SPOCK2: variants seen among roughly 807,000 people sequenced by gnomAD.
The protein encoded by SPOCK2 is testican-2.
Under a neutral mutation model 60.1 loss-of-function variants are expected in SPOCK2, and 39 were observed. The ratio of observed to expected loss-of-function variants is 0.65; its 90% CI spans 0.50 to 0.85. SPOCK2 has a LOEUF of 0.85. SPOCK2 is among the 40% of genes least tolerant of loss of function. The probability of loss-of-function intolerance (pLI) is 0.00; values close to 1 mark genes in which losing one functional copy is unlikely to be tolerated. For synonymous variants in SPOCK2, 217 were observed against 231.5 expected, an observed-to-expected ratio of 0.94 and a Z score of 0.57; for missense variants, 523 against 567.4, an observed-to-expected ratio of 0.92 and a Z score of 0.80.
rs576887222 is a variant in SPOCK2, at chr10:72,062,564, C to A, written c.*196G>T. 1.8e-5 allele frequency: 18 copies of A among 992,082 alleles called. No homozygotes were observed. Among genetic ancestry groups the A allele is most frequent in the Non-Finnish European group, 2.6e-5 (18 of 679,454 alleles). The allele number at this position is 992,082 out of a possible 1,614,324, so 61.5% of individuals were successfully genotyped here. A position where few individuals can be genotyped will look rare whatever the true frequency, so the allele number is the denominator to read the frequency against. ...ACACACACACACACATACACACATG[C>A]ATGCACACATGCACTCACACTGTCA... is the stretch of plus-strand genomic sequence containing the variant. On this transcript the variant is annotated 3_prime_UTR_variant, in exon 11 of 11. Coordinates refer to ENST00000373109, the MANE Select transcript of SPOCK2 (RefSeq NM_001244950.2). The surrounding 1 kb of genome is among the most constrained non-coding windows in gnomAD (Gnocchi z 4.3).
chr10:72,086,980 C>A (rs754446692), intron 1 of SPOCK2: 1 of 1,551,506 alleles, frequency 6.4e-7, no homozygotes. Flanking sequence ...CTGGGTGGGT[C>A]GGACGAGGGA....
At chr10:72,076,667 C>A (rs924391757) in intron 1 of SPOCK2, among the ~76,000 whole-genome samples, 3 of 152,226 alleles carry the variant, frequency 2.0e-5, no homozygotes, top group African/African-American at 7.2e-5. Context: ...AGTCCTCCTG[C>A]CTTAGACTCC....
chr10:72,084,955 T>G (rs1195450671), intron 1 of SPOCK2, among the ~76,000 whole-genome samples: 1 of 152,162 alleles, frequency 6.6e-6, no homozygotes, highest in African/African-American at 2.4e-5. Flanking sequence ...CACTCATAAA[T>G]ATAATGAAAA....
intron 8 of SPOCK2, 138 bp from the exon 9 acceptor site, chr10:72,064,378 A>T: frequency 1.1e-6 from 1 of 929,260 alleles, no homozygotes; most frequent in Non-Finnish European, 1.5e-6. Flanking sequence ...GTCACCCCAC[A>T]GCAGGGGTGG....
chr10:72,083,412 G>A (rs1297576351), intron 1 of SPOCK2, among the ~76,000 whole-genome samples: 1 of 152,254 alleles, frequency 6.6e-6, no homozygotes, highest in Non-Finnish European at 1.5e-5. Context: ...AGGTGAAGTG[G>A]CTGCTGCAAG....
At chr10:72,066,069 G>T (rs934944062) in intron 8 of SPOCK2, among the ~76,000 whole-genome samples, 11 of 152,164 alleles carry the variant, frequency 7.2e-5, no homozygotes, top group Admixed American at 3.3e-4. Flanking sequence ...CAGGTCAGGT[G>T]AGCCTGGGGA....
intron 6 of SPOCK2, 71 bp from the exon 7 acceptor site, chr10:72,067,803 C>CT: frequency 6.4e-7 from 1 of 1,564,582 alleles, no homozygotes. Context: ...AGTCTGGGAT[C>CT]CTGCCCTACA....
At chr10:72,064,785 C>T (rs1840545733) in intron 8 of SPOCK2, among the ~76,000 whole-genome samples, 1 of 152,104 alleles carries the variant, frequency 6.6e-6, no homozygotes, top group African/African-American at 2.4e-5. Flanking sequence ...GGCTGGAGTG[C>T]ATTGGCGCGA....
In SPOCK2 at chr10:72,067,614, G is replaced by C. The variant is rs375998618; in HGVS notation, c.708C>G (p.Ser236Arg). The part of the protein sequence containing the change: ...GSASSVAGPA[S>R]GLDKSLGASC... ...CAGGCAGAGCAGCAAGCTTCCTACC[G>C]CTGGCCGGGCCGGCTACACTGCTGG... Residue 236 changes from serine (S) to arginine (R), a missense_variant and splice_region_variant, in exon 7 of 11, where the codon AGC becomes AGG. Physicochemically the swap from Ser to Arg is moderately radical, Grantham distance 110. Coordinates refer to ENST00000373109, the MANE Select transcript of SPOCK2 (RefSeq NM_001244950.2). 6.2e-7 allele frequency: 1 copy of C among 1,612,362 alleles called. No homozygotes were observed. Among genetic ancestry groups the C allele is most frequent in the Non-Finnish European group, 8.5e-7 (1 of 1,179,968 alleles).
chr10:72,070,096 A>G (rs1840626091), intron 5 of SPOCK2: 3 of 525,062 alleles, frequency 5.7e-6, no homozygotes, highest in Middle Eastern at 5.1e-4. Flanking sequence ...GTCCGAGGTC[A>G]GGGACAGACA....
rs1313425400 is a variant in SPOCK2 at position 72,087,954 on chromosome 10, C to T, written c.189+186G>A. On this transcript the variant is annotated intron_variant, in intron 1 of 10. Transcript: ENST00000373109. The surrounding 1 kb of genome is among the most constrained non-coding windows in gnomAD (Gnocchi z 4.7). ...CTGGGGGGTCCCAGGGCCGCCGGCC[C>T]GGGCCGCAGGGACAGGGGAGGGGCG... 2.0e-5 allele frequency among the ~76,000 whole-genome samples: 3 copies of T among 151,914 alleles called. No homozygotes were observed. The highest frequency in any genetic ancestry group is 4.4e-5 in the Non-Finnish European group (3 of 67,904).
chr10:72,075,789 C>G (rs1840708126), intron 1 of SPOCK2, among the ~76,000 whole-genome samples: 1 of 152,136 alleles, frequency 6.6e-6, no homozygotes, highest in African/African-American at 2.4e-5. Context: ...CCCAGTGGAT[C>G]TGGATTCCAG....
intron 1 of SPOCK2, among the ~76,000 whole-genome samples, chr10:72,077,886 C>A (rs1840734740): frequency 6.6e-6 from 1 of 152,168 alleles, no homozygotes; most frequent in Admixed American, 6.5e-5. Flanking sequence ...CGGCCAGGAC[C>A]ACCCCAACCC....
At position 72,068,402 on chromosome 10, in the gene SPOCK2, C is replaced by A. The variant is rs758874338; in HGVS notation, c.475-101G>T. ...CCTCTCATGGCAGCCACATCTGCCT[C>A]CCCCCATGGAGTGCCCATGAACAGC... is the stretch of plus-strand genomic sequence containing the variant. On this transcript the variant is annotated intron_variant, in intron 5 of 10. Coordinates refer to ENST00000373109, the MANE Select transcript of SPOCK2 (RefSeq NM_001244950.2). 307 of 1,260,964 alleles carry A rather than the reference C, an allele frequency of 2.4e-4. 3 individuals are homozygous for A. The highest frequency in any genetic ancestry group is 8.5e-4 in the South Asian group (57 of 66,922). 78.1% of individuals were successfully genotyped at this position (1,260,964 alleles called of 1,614,324 possible). A position where few individuals can be genotyped will look rare whatever the true frequency, so the allele number is the denominator to read the frequency against.
chr10:72,086,824 C>G, intron 1 of SPOCK2: 3 of 1,537,518 alleles, frequency 2.0e-6, no homozygotes, highest in Non-Finnish European at 2.6e-6. Flanking sequence ...CTGACGGTAA[C>G]AAAAAGATCC....
At chr10:72,070,486 A>G in intron 4 of SPOCK2, 60 bp from the exon 5 acceptor site, 1 of 1,535,190 alleles carries the variant, frequency 6.5e-7, no homozygotes, top group Non-Finnish European at 9.0e-7. Flanking sequence ...GGAGCAGGGG[A>G]AGGGAGGGCT....
At position 72,061,570 on chromosome 10, in the gene SPOCK2, C is replaced by G. The variant is rs964816170; in HGVS notation, c.*1190G>C. On this transcript the variant is annotated 3_prime_UTR_variant, in exon 11 of 11. Transcript: ENST00000373109. ...GGACAGCTCTCTCTGTTGGTCTGGGCAGGACAGGAGTGTTAAGGGTCAGGG... is the reference window on the plus strand; with the variant it reads ...GGACAGCTCTCTCTGTTGGTCTGGGGAGGACAGGAGTGTTAAGGGTCAGGG... 1 of 152,596 alleles carries G rather than the reference C, an allele frequency of 6.6e-6. No individual in the cohort carries two copies. The highest frequency in any genetic ancestry group is 1.5e-5 in the Non-Finnish European group (1 of 68,380). The allele number at this position is 152,596 out of a possible 1,614,324, so 9.5% of individuals were successfully genotyped here. A position where few individuals can be genotyped will look rare whatever the true frequency, so the allele number is the denominator to read the frequency against.
intron 1 of SPOCK2, chr10:72,086,529 A>G (rs926168965): frequency 2.7e-6 from 3 of 1,128,012 alleles, no homozygotes; most frequent in Non-Finnish European, 3.3e-6. Context: ...TGGATTCCGG[A>G]TGGGCCGGCC....
At chr10:72,067,930 A>T (rs767594363) in intron 6 of SPOCK2, among the ~76,000 whole-genome samples, 198 bp from the exon 7 acceptor site, 4 of 151,886 alleles carry the variant, frequency 2.6e-5, no homozygotes, top group Non-Finnish European at 5.9e-5. Flanking sequence ...GGCATGAAAA[A>T]CACACAGCCC....
Sources: gnomAD v4.1 joint callset for allele counts (sites outside exome capture counted in the v4.1 genomes callset) on GRCh38, gnomAD v4.1.1 for gene constraint, Gnocchi (gnomAD v3.1) non-coding constraint, MANE v1.5 for transcripts, NCBI Gene and HGNC (gene_info 2026-07-23, HGNC 2026-07-21) for gene names.